The following CNTNAP3 variants were observed in gnomAD, a reference collection of about 807,000 sequenced individuals.
CNTNAP3 encodes the protein contactin associated protein family member 3.
Under a neutral mutation model 92.1 loss-of-function variants are expected in CNTNAP3, and 36 were observed. The observed-to-expected ratio is 0.39, with a 90% CI of 0.30 to 0.52. CNTNAP3 has a LOEUF of 0.52. Among genes scored for constraint, CNTNAP3 ranks in the 20% least tolerant of loss-of-function variants. The probability of loss-of-function intolerance (pLI) is 0.76; values close to 1 mark genes in which losing one functional copy is unlikely to be tolerated. For synonymous variants in CNTNAP3, 232 were observed against 422.3 expected, an observed-to-expected ratio of 0.55 and a Z score of 5.53; for missense variants, 534 against 1,069.6, an observed-to-expected ratio of 0.50 and a Z score of 6.98.
At chr9:39,093,341 ATTTC>A (rs1327803375) in intron 18 of CNTNAP3, among the ~76,000 whole-genome samples, 3 of 146,686 alleles carry the variant, frequency 2.0e-5, no homozygotes, top group South Asian at 4.4e-4. Flanking sequence ...TAACATTTTA[ATTTC>A]TTTCTTGATT....
At chr9:39,133,267 G>A (rs1821348437) in intron 12 of CNTNAP3, 132 bp from the exon 13 acceptor site, 1 of 1,190,994 alleles carries the variant, frequency 8.4e-7, no homozygotes, top group African/African-American at 1.5e-5. Flanking sequence ...GCCGCGATTT[G>A]AGGAGTTGGA....
In CNTNAP3 at chr9:39,133,062, G is replaced by A. The variant is rs550440645; in HGVS notation, c.1950C>T (p.His650=). The stretch of plus-strand genomic sequence containing the variant: ...ACGCGAAGGACACAGCCGAGCGCGG[G>A]TGCCCGCTGGGGGCACCTCGGAGGG... ...AVTLRGAPSG[H]PRSAVSFAYA... Residue 650 remains histidine, a synonymous_variant, in exon 13 of 24, where the codon CAC becomes CAT. Transcript: ENST00000297668. The A allele has an allele frequency of 1.3e-6, 2 of 1,557,636 alleles. No individual in the cohort carries two copies. Among genetic ancestry groups the A allele is most frequent in the Admixed American group, 3.8e-5 (2 of 52,378 alleles).
At chr9:39,109,945 C>A (rs1826702752) in intron 14 of CNTNAP3, among the ~76,000 whole-genome samples, 1 of 152,120 alleles carries the variant, frequency 6.6e-6, no homozygotes, top group Non-Finnish European at 1.5e-5. Flanking sequence ...TTTTTAAAGT[C>A]CTTTTATGAT....
rs1362754792 is a variant in CNTNAP3 at position 39,066,504 on chromosome 9, C to T, written c.*7386G>A. ...GATATTATTCTTTATTTTCCTTCTT[C>T]CTGAAAGGCTTTTACACTGTTCTCA... On this transcript the variant is annotated 3_prime_UTR_variant, in exon 24 of 24. Transcript: ENST00000297668. Among the ~76,000 whole-genome samples, 1 of 152,206 alleles carries T rather than the reference C, an allele frequency of 6.6e-6. No homozygotes were observed. The highest frequency in any genetic ancestry group is 1.9e-4 in the East Asian group (1 of 5,194).
rs1173502163 is a variant in CNTNAP3, at chr9:39,072,486, G to A, written c.*1404C>T. On this transcript the variant is annotated 3_prime_UTR_variant, in exon 24 of 24. Transcript: ENST00000297668. ...TAGTCCCTGGAACTGTCTCCATAAA[G>A]TTAATTCCAATCCTTTGCTGTCTTA... 1.4e-5 allele frequency among the ~76,000 whole-genome samples: 2 copies of A among 146,112 alleles called. No homozygotes were observed. The highest frequency in any genetic ancestry group is 3.0e-5 in the Non-Finnish European group (2 of 67,216).
chr9:39,147,866 C>T (rs1376104479), intron 10 of CNTNAP3, among the ~76,000 whole-genome samples: 2 of 152,126 alleles, frequency 1.3e-5, no homozygotes, highest in Admixed American at 6.5e-5. Context: ...GGCAGCCTCA[C>T]GATATATATC....
chr9:39,147,830 G>A (rs972289557), intron 10 of CNTNAP3, among the ~76,000 whole-genome samples: 1 of 152,170 alleles, frequency 6.6e-6, no homozygotes, highest in Non-Finnish European at 1.5e-5. Context: ...GCACAAAGCA[G>A]GCAACATGGA....
At chr9:39,120,531 G>A (rs999004654) in intron 13 of CNTNAP3, among the ~76,000 whole-genome samples, 1 of 151,924 alleles carries the variant, frequency 6.6e-6, no homozygotes, top group African/African-American at 2.4e-5. Context: ...ATAGACGAGC[G>A]TAGTGGCGGG....
At chr9:39,098,963 TTTTTCC>T (rs1384387626) in intron 18 of CNTNAP3, among the ~76,000 whole-genome samples, 1 of 147,422 alleles carries the variant, frequency 6.8e-6, no homozygotes, top group Non-Finnish European at 1.5e-5. Context: ...AATCAGTCCC[TTTTTCC>T]TTTTCTTTTT....
intron 10 of CNTNAP3, among the ~76,000 whole-genome samples, chr9:39,147,831 G>A (rs1467537987): frequency 6.6e-6 from 1 of 152,154 alleles, no homozygotes; most frequent in Admixed American, 6.5e-5. Context: ...CACAAAGCAG[G>A]CAACATGGAT....
At chr9:39,091,168 C>CTTTTTTTTTT (rs1319060417) in intron 18 of CNTNAP3, among the ~76,000 whole-genome samples, 13 of 117,940 alleles carry the variant, frequency 1.1e-4, no homozygotes, top group Admixed American at 1.7e-4. Context: ...TGTTTTTCTT[C>CTTTTTTTTTT]TTCTTTTTTT....
At chr9:39,076,951 C>G (rs1419906841) in intron 23 of CNTNAP3, among the ~76,000 whole-genome samples, 20 of 142,374 alleles carry the variant, frequency 1.4e-4, no homozygotes, top group East Asian at 6.2e-4. Flanking sequence ...GCGAGACTCC[C>G]TCTCAAACAA....
At chr9:39,091,780 T>A (rs183194476) in intron 18 of CNTNAP3, among the ~76,000 whole-genome samples, 1,595 of 151,978 alleles carry the variant, frequency 0.01, 17 homozygotes, top group Non-Finnish European at 0.012. Flanking sequence ...GAATACTTCT[T>A]ATTTAAATAG....
At chr9:39,107,416 C>A (rs1337082286) in intron 15 of CNTNAP3, among the ~76,000 whole-genome samples, 3 of 150,418 alleles carry the variant, frequency 2.0e-5, no homozygotes, top group Admixed American at 6.6e-5. Context: ...AAGGAAGGAG[C>A]CATCTGAATG....
chr9:39,125,888 A>G (rs1209502187), intron 13 of CNTNAP3, among the ~76,000 whole-genome samples: 1 of 152,172 alleles, frequency 6.6e-6, no homozygotes, highest in Non-Finnish European at 1.5e-5. Flanking sequence ...TTACCACTGG[A>G]GACTTCAACA....
intron 18 of CNTNAP3, among the ~76,000 whole-genome samples, chr9:39,091,744 CTT>C (rs1352348371): frequency 1.3e-5 from 2 of 151,654 alleles, no homozygotes; most frequent in Non-Finnish European, 3.0e-5. Flanking sequence ...GCTCCTTTCT[CTT>C]TTATTTTTTG....
At chr9:39,120,264 C>T (rs1204476535) in intron 13 of CNTNAP3, among the ~76,000 whole-genome samples, 1 of 152,150 alleles carries the variant, frequency 6.6e-6, no homozygotes, top group African/African-American at 2.4e-5. Context: ...GTAGATTACT[C>T]ATCTGAAATT....
chr9:39,115,128 G>A (rs899539471), intron 14 of CNTNAP3, among the ~76,000 whole-genome samples: 2 of 151,832 alleles, frequency 1.3e-5, no homozygotes, highest in East Asian at 3.8e-4. Flanking sequence ...TGCTTTAGAC[G>A]AGTTGCTGAT....
At chr9:39,114,263 T>G (rs1051787122) in intron 14 of CNTNAP3, among the ~76,000 whole-genome samples, 1 of 151,872 alleles carries the variant, frequency 6.6e-6, no homozygotes, top group African/African-American at 2.4e-5. Context: ...TTTTTGTATT[T>G]TTAGTAGAGA....
Sources: allele counts gnomAD v4.1 joint callset (sites outside exome capture counted in the v4.1 genomes callset), GRCh38; gene constraint gnomAD v4.1.1; transcripts MANE v1.5; gene names NCBI Gene and HGNC (gene_info 2026-07-23, HGNC 2026-07-21).